TTC28: variants seen among roughly 807,000 people sequenced by gnomAD.
The protein encoded by TTC28 is tetratricopeptide repeat protein 28.
TTC28 carries 61 observed loss-of-function variants against 198.0 expected under a neutral mutation model. The observed-to-expected ratio is 0.31, with a 90% confidence interval of 0.25 to 0.38. TTC28 has a LOEUF of 0.38. Ranked by LOEUF, TTC28 falls within the 10% of genes least tolerant of loss-of-function variation. The pLI is 1.00. For missense variants in TTC28, 2,678 were observed against 3,164.0 expected (o/e 0.85, Z 3.69); for synonymous variants, 1,171 against 1,297.8 (o/e 0.90, Z 2.10).
chr22:28,439,611 G>T (rs980847631), intron 2 of TTC28, among the ~76,000 whole-genome samples: 2 of 152,090 alleles, frequency 1.3e-5, no homozygotes, highest in African/African-American at 4.8e-5. Context: ...TTGCTTATAT[G>T]TAAAATACAA....
intron 2 of TTC28, among the ~76,000 whole-genome samples, chr22:28,466,820 T>TACACATACACACACAC (rs2048027654): frequency 7.0e-6 from 1 of 143,810 alleles, no homozygotes; most frequent in African/African-American, 2.6e-5. Context: ...TATACATACA[T>TACACATACACACACAC]ACACACACAC....
intron 2 of TTC28, among the ~76,000 whole-genome samples, chr22:28,366,252 A>G (rs979438070): frequency 1.3e-5 from 2 of 152,200 alleles, no homozygotes; most frequent in Non-Finnish European, 2.9e-5. Flanking sequence ...CCTATAGCCC[A>G]TATGACATTC....
intron 1 of TTC28, among the ~76,000 whole-genome samples, chr22:28,642,249 T>C (rs2051380110): frequency 6.6e-6 from 1 of 151,112 alleles, no homozygotes; most frequent in South Asian, 2.1e-4. Context: ...AAAGGGAACA[T>C]TAAAACAAGT....
chr22:28,278,514 A>G (rs1053748923), intron 5 of TTC28, among the ~76,000 whole-genome samples: 4 of 152,234 alleles, frequency 2.6e-5, no homozygotes, highest in South Asian at 4.1e-4. Context: ...TGGTCAAATC[A>G]TATCATTCCT....
At chr22:28,147,637 T>C (rs985210436) in intron 6 of TTC28, among the ~76,000 whole-genome samples, 1 of 152,212 alleles carries the variant, frequency 6.6e-6, no homozygotes, top group Non-Finnish European at 1.5e-5. Flanking sequence ...TATGAGATCT[T>C]TGACAAGTTA....
At position 27,993,492 on chromosome 22, in the gene TTC28, C is replaced by T; in HGVS notation, c.5271G>A (p.Gln1757=). Reference sequence around the variant, plus strand: ...TGTACATGGCATTGCGCTGCCCATTCTGGATGCGCTGCAGGGATTTCTCCA... The same window carrying T: ...TGTACATGGCATTGCGCTGCCCATTTTGGATGCGCTGCAGGGATTTCTCCA... The part of the protein sequence containing the change: ...HLVEKSLQRI[Q]NGQRNAMYTS... The change falls in exon 18 of 23, where the codon CAG becomes CAA. Residue 1757 remains glutamine, a synonymous_variant. Transcript: ENST00000397906. 1 of 1,548,294 alleles carries T rather than the reference C, an allele frequency of 6.5e-7. No individual in the cohort carries two copies. The highest frequency in any genetic ancestry group is 8.7e-7 in the Non-Finnish European group (1 of 1,144,654).
intron 12 of TTC28, among the ~76,000 whole-genome samples, chr22:28,080,863 T>G (rs1175481035): frequency 6.6e-6 from 1 of 152,280 alleles, no homozygotes; most frequent in Non-Finnish European, 1.5e-5. Context: ...AATTTTTGCA[T>G]GTCGTATAAA....
intron 2 of TTC28, among the ~76,000 whole-genome samples, chr22:28,540,221 C>T (rs1362837745): frequency 6.6e-6 from 1 of 152,010 alleles, no homozygotes; most frequent in Non-Finnish European, 1.5e-5. Flanking sequence ...GCTGGGATTA[C>T]AGGTGTGAGC....
intron 12 of TTC28, among the ~76,000 whole-genome samples, chr22:28,074,875 G>A (rs186531033): frequency 1.2e-4 from 18 of 152,250 alleles, no homozygotes; most frequent in African/African-American, 3.6e-4. Context: ...CAAGGCAGGC[G>A]GATCACCTGA....
chr22:28,248,409 C>A (rs946388832), intron 5 of TTC28, among the ~76,000 whole-genome samples: 4 of 152,164 alleles, frequency 2.6e-5, no homozygotes, highest in African/African-American at 9.7e-5. Context: ...TCCAAAGGTG[C>A]TCTTAAATTA....
chr22:28,551,867 G>T (rs909033228), intron 2 of TTC28, among the ~76,000 whole-genome samples: 7 of 152,154 alleles, frequency 4.6e-5, no homozygotes, highest in Non-Finnish European at 2.9e-5. Flanking sequence ...AGTACCGGAA[G>T]TCCTAGCGAG....
rs1391542539 is a variant in TTC28 at position 27,998,949 on chromosome 22, C to T, written c.4710G>A (p.Lys1570=). The change falls in exon 16 of 23, where the codon AAG becomes AAA. Residue 1570 remains lysine (K), a synonymous_variant. Coordinates refer to ENST00000397906, the MANE Select transcript of TTC28 (RefSeq NM_001145418.2). ...TCGTGTAGGGGTGGCCGAAGGAGCT[C>T]TTGCTGCTGGCAGGGTTGCCGTCCA... is the stretch of plus-strand genomic sequence containing the variant. ...PSMDGNPASS[K]SSFGHPYTIP... is the part of the protein sequence containing the mutation. The T allele has an allele frequency of 5.8e-6, 9 of 1,550,738 alleles. No individual in the cohort carries two copies. Among genetic ancestry groups the T allele is most frequent in the Non-Finnish European group, 7.8e-6 (9 of 1,146,968 alleles).
chr22:28,047,563 A>T (rs1939917513), intron 12 of TTC28, among the ~76,000 whole-genome samples: 1 of 152,024 alleles, frequency 6.6e-6, no homozygotes, highest in African/African-American at 2.4e-5. Context: ...GCAAGGTTCC[A>T]CTCTACCCAT....
At chr22:28,443,270 C>CT (rs1228351102) in intron 2 of TTC28, among the ~76,000 whole-genome samples, 3 of 152,206 alleles carry the variant, frequency 2.0e-5, no homozygotes, top group South Asian at 2.1e-4. Context: ...ACGCGGGCTG[C>CT]TACAGAATCC....
intron 2 of TTC28, among the ~76,000 whole-genome samples, chr22:28,628,792 T>C (rs1166323955): frequency 6.6e-6 from 1 of 151,824 alleles, no homozygotes; most frequent in Non-Finnish European, 1.5e-5. Flanking sequence ...ATACAAAAAT[T>C]AGCCGGGCAT....
Position 28,335,090 on chromosome 22 carries a change from A to T in TTC28, c.382-28447T>A, listed in dbSNP as rs1435481657. Among the ~76,000 whole-genome samples the T allele has an allele frequency of 2.6e-5, 4 of 152,188 alleles. No homozygotes were observed. The South Asian group carries it at 8.3e-4, about 31-fold the overall frequency. On this transcript the variant is annotated intron_variant, in intron 2 of 22. Transcript: ENST00000397906. ...CTACATATGGCTAGCCAGTCTTCCC[A>T]GCACCATTTATTAAATAGGGAATCC...
intron 2 of TTC28, among the ~76,000 whole-genome samples, chr22:28,430,292 A>C (rs2047412451): frequency 2.6e-5 from 4 of 152,138 alleles, no homozygotes; most frequent in Admixed American, 2.6e-4. Context: ...TGTACTCTCT[A>C]AATTTACCAC....
chr22:28,451,512 G>C (rs942457137), intron 2 of TTC28, among the ~76,000 whole-genome samples: 1 of 152,138 alleles, frequency 6.6e-6, no homozygotes, highest in African/African-American at 2.4e-5. Context: ...TAGGTTTTTG[G>C]AACTGCAACT....
chr22:28,579,085 C>A (rs900495215), intron 2 of TTC28, among the ~76,000 whole-genome samples: 2 of 151,352 alleles, frequency 1.3e-5, no homozygotes, highest in African/African-American at 2.4e-5. Context: ...GCTATACATA[C>A]ATACATATAG....
Sources: allele counts gnomAD v4.1 joint callset (sites outside exome capture counted in the v4.1 genomes callset), GRCh38; gene constraint gnomAD v4.1.1; transcripts MANE v1.5; gene names NCBI Gene and HGNC (gene_info 2026-07-23, HGNC 2026-07-21).